Variants in TMEM232 observed in about 807,000 individuals in gnomAD.
TMEM232 encodes the protein transmembrane protein 232.
In TMEM232, 80 loss-of-function variants were observed where a neutral mutation model predicts 78.8. The ratio of observed to expected loss-of-function variants is 1.01; its 90% CI spans 0.85 to 1.22. The LOEUF (loss-of-function observed/expected upper bound fraction) is 1.22, where lower values mean the gene tolerates loss of function less well. Ranked by LOEUF, TMEM232 falls within the 50% of genes most tolerant of loss-of-function variation. The pLI, the probability that TMEM232 is intolerant of heterozygous loss-of-function variation, is 0.00. For synonymous variants in TMEM232, 297 were observed against 254.3 expected (o/e 1.17, Z -1.60); for missense variants, 881 against 742.2 (o/e 1.19, Z -2.17).
intron 2 of TMEM232, among the ~76,000 whole-genome samples, chr5:110,411,299 T>C (rs1755987653): frequency 6.6e-6 from 1 of 152,200 alleles, no homozygotes; most frequent in South Asian, 2.1e-4. Context: ...TTTTATTTTC[T>C]GTTTTCCACT....
intron 5 of TMEM232, among the ~76,000 whole-genome samples, chr5:110,635,334 C>G (rs190154725): frequency 6.6e-6 from 1 of 151,846 alleles, no homozygotes; most frequent in Non-Finnish European, 1.5e-5. Context: ...AACACATTTC[C>G]CAAGGCCAGC....
intron 1 of TMEM232, among the ~76,000 whole-genome samples, chr5:110,691,400 G>T (rs1442199313): frequency 6.6e-6 from 1 of 152,206 alleles, no homozygotes; most frequent in Non-Finnish European, 1.5e-5. Context: ...GTGATGAATG[G>T]TTTAGGAAGG....
chr5:110,625,124 T>C (rs2149932949), intron 7 of TMEM232, 143 bp downstream of exon 7: 1 of 839,934 alleles, frequency 1.2e-6, no homozygotes, highest in Middle Eastern at 2.5e-4. Flanking sequence ...ATGAAATTCG[T>C]ATCTTTGCTG....
At chr5:110,447,266 A>G (rs1331097283) in intron 12 of TMEM232, among the ~76,000 whole-genome samples, 1 of 152,066 alleles carries the variant, frequency 6.6e-6, no homozygotes, top group Non-Finnish European at 1.5e-5. Flanking sequence ...ATGAATTTCT[A>G]CTGAGGGGAA....
intron 13 of TMEM232, among the ~76,000 whole-genome samples, chr5:110,421,655 G>T (rs2112613793): frequency 6.6e-6 from 1 of 152,102 alleles, no homozygotes; most frequent in South Asian, 2.1e-4. Flanking sequence ...CAATTAATTT[G>T]TAGATTACTA....
At chr5:110,506,535 A>T (rs1766927607) in intron 12 of TMEM232, among the ~76,000 whole-genome samples, 1 of 152,150 alleles carries the variant, frequency 6.6e-6, no homozygotes, top group African/African-American at 2.4e-5. Context: ...GATCATTCAA[A>T]TCCTAAAGGA....
intron 11 of TMEM232, among the ~76,000 whole-genome samples, chr5:110,546,305 A>T (rs1223048906): frequency 6.6e-6 from 1 of 152,122 alleles, no homozygotes; most frequent in Non-Finnish European, 1.5e-5. Flanking sequence ...TTAGGAATGG[A>T]TTTACCACTG....
chr5:110,516,032 G>C (rs919786806), intron 12 of TMEM232, among the ~76,000 whole-genome samples: 3 of 152,152 alleles, frequency 2.0e-5, no homozygotes, highest in African/African-American at 7.2e-5. Context: ...GAGGTCAGGA[G>C]GTCGAGACCA....
intron 1 of TMEM232, 66 bp from the exon 2 acceptor site, chr5:110,667,430 C>A: frequency 2.4e-6 from 3 of 1,250,412 alleles, no homozygotes; most frequent in South Asian, 1.9e-5. Context: ...ACATGTTATG[C>A]AAATTCATTA....
intron 1 of TMEM232, among the ~76,000 whole-genome samples, chr5:110,685,399 A>C (rs1793272484): frequency 6.6e-6 from 1 of 152,142 alleles, no homozygotes; most frequent in African/African-American, 2.4e-5. Context: ...AAGATCAACA[A>C]AGCCAGTATG....
At chr5:110,411,509 C>T (rs1755994948) in intron 2 of TMEM232, among the ~76,000 whole-genome samples, 2 of 152,038 alleles carry the variant, frequency 1.3e-5, no homozygotes, top group Admixed American at 6.6e-5. Context: ...TTTAAGGATA[C>T]AATTCAGTAG....
chr5:110,489,524 T>C (rs1043253334), intron 12 of TMEM232, among the ~76,000 whole-genome samples: 7 of 152,060 alleles, frequency 4.6e-5, no homozygotes, highest in African/African-American at 1.7e-4. Flanking sequence ...ATAAACAGTA[T>C]ATGTGAAAAA....
chr5:110,738,243 A>C (rs1412713369), upstream of TMEM232: 1 of 1,286,938 alleles, frequency 7.8e-7, no homozygotes, highest in Non-Finnish European at 1.0e-6. Flanking sequence ...AGCTAATGAA[A>C]ACAGGTAGTA....
chr5:110,638,261 G>A lies in TMEM232; in HGVS notation c.438C>T (p.Tyr146=). 6.4e-7 allele frequency: 1 copy of A among 1,550,986 alleles called. No individual in the cohort carries two copies. The highest frequency in any genetic ancestry group is 8.7e-7 in the Non-Finnish European group (1 of 1,146,604). Residue 146 remains tyrosine (Y), a synonymous_variant, in exon 5 of 14, where the codon TAC becomes TAT. Coordinates refer to ENST00000455884, the MANE Select transcript of TMEM232 (RefSeq NM_001039763.4). Reference sequence around the variant, plus strand: ...TGAGGGATGCATCACAACACAGTCTGTATAAAACCGATTCCGCAACAAAAA... The same window carrying A: ...TGAGGGATGCATCACAACACAGTCTATATAAAACCGATTCCGCAACAAAAA... ...ALFFVAESVL[Y]RLCCDASLKT...
rs138843570 is a variant in TMEM232, at chr5:110,443,540, T to C, written c.1704-18624A>G. Among the ~76,000 whole-genome samples the C allele has an allele frequency of 1.9e-3, 288 of 152,312 alleles. 1 individual carries two copies. Among genetic ancestry groups the C allele is most frequent in the African/African-American group, 6.7e-3 (280 of 41,582 alleles). ...TAAATGCTGTCCAATAGCCTAGGTCTGGACTTGGGGACACCAAGAGCCTGT... is the reference window on the plus strand; with the variant it reads ...TAAATGCTGTCCAATAGCCTAGGTCCGGACTTGGGGACACCAAGAGCCTGT... On this transcript the variant is annotated intron_variant, in intron 12 of 13. Coordinates refer to ENST00000455884, the MANE Select transcript of TMEM232 (RefSeq NM_001039763.4).
intron 12 of TMEM232, among the ~76,000 whole-genome samples, chr5:110,466,780 T>A (rs560332726): frequency 6.6e-6 from 1 of 150,872 alleles, no homozygotes; most frequent in Non-Finnish European, 1.5e-5. Flanking sequence ...GCCCGGCTAA[T>A]TTTTTTTTGT....
intron 10 of TMEM232, among the ~76,000 whole-genome samples, chr5:110,601,922 A>G (rs1780960807): frequency 6.6e-6 from 1 of 152,220 alleles, no homozygotes; most frequent in Non-Finnish European, 1.5e-5. Context: ...TAACCACAAC[A>G]GCATGGTACT....
chr5:110,550,482 T>G (rs556529261), intron 11 of TMEM232, among the ~76,000 whole-genome samples: 1 of 152,090 alleles, frequency 6.6e-6, no homozygotes, highest in Non-Finnish European at 1.5e-5. Context: ...TGAATTTTTA[T>G]GTAAAAAATA....
chr5:110,668,900 G>A (rs570762835), intron 1 of TMEM232, among the ~76,000 whole-genome samples: 1 of 152,134 alleles, frequency 6.6e-6, no homozygotes, highest in African/African-American at 2.4e-5. Flanking sequence ...ACGAAATGAA[G>A]GCAGAAATAA....
Sources: allele counts gnomAD v4.1 joint callset (sites outside exome capture counted in the v4.1 genomes callset), GRCh38; gene constraint gnomAD v4.1.1; transcripts MANE v1.5; gene names NCBI Gene and HGNC (gene_info 2026-07-23, HGNC 2026-07-21).